Variants in RHBDD1 observed in about 807,000 individuals in gnomAD.
The protein encoded by RHBDD1 is rhomboid-related protein 4.
A neutral mutation model predicts 36.3 loss-of-function variants in RHBDD1; 38 were observed. That is an observed-to-expected ratio of 1.05 (90% CI 0.81 to 1.37). The LOEUF (loss-of-function observed/expected upper bound fraction) is 1.37. Ranked by LOEUF, RHBDD1 falls within the 40% of genes most tolerant of loss-of-function variation. The probability of loss-of-function intolerance (pLI) is 0.00; values close to 1 mark genes in which losing one functional copy is unlikely to be tolerated. For synonymous variants in RHBDD1, 151 were observed against 136.5 expected, an observed-to-expected ratio of 1.11 and a Z score of -0.74; for missense variants, 393 against 377.6, an observed-to-expected ratio of 1.04 and a Z score of -0.34.
chr2:226,847,589 T>A (rs1274356308), intron 3 of RHBDD1, among the ~76,000 whole-genome samples: 1 of 152,234 alleles, frequency 6.6e-6, no homozygotes, highest in Admixed American at 6.5e-5. Flanking sequence ...TAGGCAAACT[T>A]AAGCTTTTTC....
chr2:226,830,730 G>A (rs112151347), upstream of RHBDD1, among the ~76,000 whole-genome samples: 3,498 of 152,258 alleles, frequency 0.023, 56 homozygotes, highest in Admixed American at 0.036. Flanking sequence ...CTGGACTGCA[G>A]TGGCACAATC....
chr2:226,847,205 A>C (rs1215924041), intron 3 of RHBDD1, among the ~76,000 whole-genome samples: 4 of 152,188 alleles, frequency 2.6e-5, no homozygotes, highest in Non-Finnish European at 5.9e-5. Context: ...CATTTGAGCA[A>C]ATTTTTTCAT....
At chr2:226,912,369 A>G (rs1383725054) in intron 7 of RHBDD1, among the ~76,000 whole-genome samples, 1 of 152,192 alleles carries the variant, frequency 6.6e-6, no homozygotes, top group Non-Finnish European at 1.5e-5. Context: ...CTCAAAAGAA[A>G]TGAAACCATA....
intron 3 of RHBDD1, among the ~76,000 whole-genome samples, chr2:226,862,646 A>G (rs1026100423): frequency 2.0e-5 from 3 of 152,046 alleles, no homozygotes; most frequent in Non-Finnish European, 4.4e-5. Flanking sequence ...CTCTTCCCTT[A>G]CTAGCTTCTT....
Position 226,998,576 on chromosome 2 carries a change from C to T in RHBDD1, c.*3054C>T, listed in dbSNP as rs1461077450. The stretch of plus-strand genomic sequence containing the variant: ...ATCATTGCAGTCATTCCCTAAGTTT[C>T]TTCTCTTTTTTTTTCATGGCTGCTA... On this transcript the variant is annotated 3_prime_UTR_variant, in exon 9 of 9. Coordinates refer to ENST00000392062, the MANE Select transcript of RHBDD1 (RefSeq NM_001167608.3). 2 of 151,966 alleles carry T rather than the reference C, an allele frequency of 1.3e-5. No individual in the cohort carries two copies. The highest frequency in any genetic ancestry group is 2.9e-5 in the Non-Finnish European group (2 of 68,000). The allele number at this position is 151,966 out of a possible 1,614,324, so 9.4% of individuals were successfully genotyped here.
chr2:226,921,572 C>T (rs1438226821), intron 8 of RHBDD1, among the ~76,000 whole-genome samples: 1 of 152,116 alleles, frequency 6.6e-6, no homozygotes, highest in East Asian at 1.9e-4. Context: ...GAATTTCCTT[C>T]TTAATTTCCT....
chr2:226,827,882 GGTCA>G, the RHBDD1 span, among the ~76,000 whole-genome samples: 1 of 152,128 alleles, frequency 6.6e-6, no homozygotes, highest in East Asian at 1.9e-4. Flanking sequence ...GAACTTCCAT[GGTCA>G]GTCTTTACTA....
chr2:226,929,606 C>G (rs1036299830), intron 8 of RHBDD1, among the ~76,000 whole-genome samples: 1 of 151,944 alleles, frequency 6.6e-6, no homozygotes, highest in Admixed American at 6.6e-5. Flanking sequence ...ATAAGGATGC[C>G]CGCTTTCACC....
chr2:226,884,916 T>G (rs550343452), intron 5 of RHBDD1, among the ~76,000 whole-genome samples: 1 of 152,240 alleles, frequency 6.6e-6, no homozygotes, highest in South Asian at 2.1e-4. Context: ...AGGCTGCTTT[T>G]GATAAAGGGC....
At chr2:226,886,130 C>G (rs61572116) in intron 5 of RHBDD1, among the ~76,000 whole-genome samples, 26,412 of 152,112 alleles carry the variant, frequency 0.17, 3,546 homozygotes, top group African/African-American at 0.37. Flanking sequence ...TAAGCGGGGA[C>G]TACCATAGCA....
chr2:226,877,550 CT>C (rs80311532), intron 5 of RHBDD1, among the ~76,000 whole-genome samples: 6,721 of 120,778 alleles, frequency 0.056, 475 homozygotes, highest in African/African-American at 0.18. Flanking sequence ...AGCCATTTTC[CT>C]TTTTTTTTTT....
chr2:226,837,361 T>A (rs1008451627), intron 1 of RHBDD1, among the ~76,000 whole-genome samples: 1 of 152,236 alleles, frequency 6.6e-6, no homozygotes, highest in African/African-American at 2.4e-5. Flanking sequence ...GGACTGCTGC[T>A]TAGAGGGTAT....
chr2:226,970,068 C>G (rs921322459), intron 8 of RHBDD1, among the ~76,000 whole-genome samples: 3 of 147,718 alleles, frequency 2.0e-5, no homozygotes, highest in Non-Finnish European at 3.0e-5. Context: ...CCTCTCCCCC[C>G]GCATTCCTTA....
intron 4 of RHBDD1, among the ~76,000 whole-genome samples, chr2:226,865,640 C>T (rs549126102): frequency 1.3e-5 from 2 of 152,264 alleles, no homozygotes; most frequent in East Asian, 3.9e-4. Context: ...AAAAAGCTGC[C>T]TAGGGCTGTT....
chr2:226,981,316 G>T (rs1216216821), intron 8 of RHBDD1, among the ~76,000 whole-genome samples: 2 of 151,734 alleles, frequency 1.3e-5, no homozygotes, highest in Non-Finnish European at 2.9e-5. Context: ...GTATACCTAT[G>T]TAACGAGACC....
At chr2:226,970,678 C>T (rs1953297532) in intron 8 of RHBDD1, among the ~76,000 whole-genome samples, 1 of 152,234 alleles carries the variant, frequency 6.6e-6, no homozygotes, top group East Asian at 1.9e-4. Context: ...CTTTTCATCT[C>T]TGCCAGCCTG....
chr2:226,857,635 T>A (rs1174513051), intron 3 of RHBDD1, among the ~76,000 whole-genome samples: 2 of 152,168 alleles, frequency 1.3e-5, no homozygotes, highest in African/African-American at 2.4e-5. Flanking sequence ...ACAACATGGA[T>A]GAACTATGAA....
chr2:226,892,424 A>T (rs1389870923), intron 5 of RHBDD1, among the ~76,000 whole-genome samples: 2 of 142,662 alleles, frequency 1.4e-5, no homozygotes, highest in African/African-American at 6.0e-5. Flanking sequence ...GAATTCAGGG[A>T]TTATCTTAAC....
At chr2:226,833,913 G>T (rs557010426), upstream of RHBDD1, among the ~76,000 whole-genome samples, 1 of 152,250 alleles carries the variant, frequency 6.6e-6, no homozygotes, top group South Asian at 2.1e-4. Context: ...AAAAAACCCA[G>T]TCTGCTCAAC....
Sources: allele counts gnomAD v4.1 joint callset (sites outside exome capture counted in the v4.1 genomes callset), GRCh38; gene constraint gnomAD v4.1.1; transcripts MANE v1.5; gene names NCBI Gene and HGNC (gene_info 2026-07-23, HGNC 2026-07-21).